Variants in PTK2 observed in about 807,000 individuals in gnomAD.
PTK2 encodes the protein focal adhesion kinase 1.
In PTK2, 45 loss-of-function variants were observed where a neutral mutation model predicts 150.1. The observed-to-expected ratio is 0.30, with a 90% CI of 0.24 to 0.38. PTK2 has a LOEUF of 0.38. Ranked by LOEUF, PTK2 falls within the 10% of genes least tolerant of loss-of-function variation. The pLI is 1.00. For missense variants in PTK2, 919 were observed against 1,307.3 expected (o/e 0.70, Z 4.58); for synonymous variants, 432 against 449.2 (o/e 0.96, Z 0.48).
intron 12 of PTK2, among the ~76,000 whole-genome samples, chr8:140,797,171 G>T (rs920395994): frequency 1.3e-5 from 2 of 152,066 alleles, no homozygotes; most frequent in African/African-American, 2.4e-5. Context: ...CTTGCCAGTG[G>T]TGGTTATCAG....
intron 7 of PTK2, chr8:140,832,922 C>A (rs1363121968): frequency 3.9e-6 from 2 of 518,812 alleles, no homozygotes; most frequent in Non-Finnish European, 7.7e-6. Flanking sequence ...AGGGAAAGAC[C>A]AGGGCAGGGA....
chr8:140,927,104 A>C (rs776265325), intron 1 of PTK2, among the ~76,000 whole-genome samples: 21 of 152,246 alleles, frequency 1.4e-4, no homozygotes, highest in Non-Finnish European at 3.1e-4. Context: ...ACAGAAGAAG[A>C]AGTTCAAAGT....
chr8:140,865,548 A>C (rs2100138803), intron 4 of PTK2, among the ~76,000 whole-genome samples: 1 of 152,110 alleles, frequency 6.6e-6, no homozygotes, highest in African/African-American at 2.4e-5. Flanking sequence ...ATTTCAATGC[A>C]ATCTTTTGAG....
At chr8:140,732,091 T>C (rs2100049766) in intron 22 of PTK2, among the ~76,000 whole-genome samples, 2 of 152,206 alleles carry the variant, frequency 1.3e-5, no homozygotes. Context: ...TCCAAACTTA[T>C]TATTTCTTTG....
intron 26 of PTK2, among the ~76,000 whole-genome samples, chr8:140,697,416 TTGTGTGTGTG>T (rs34459077): frequency 5.9e-4 from 86 of 145,812 alleles, no homozygotes; most frequent in African/African-American, 1.8e-3. Context: ...AGAATACGGT[TTGTGTGTGTG>T]TGTGTGTGTG....
intron 10 of PTK2, among the ~76,000 whole-genome samples, chr8:140,811,888 G>GTTC (rs1483339887): frequency 1.3e-5 from 2 of 152,138 alleles, no homozygotes; most frequent in African/African-American, 4.8e-5. Context: ...AAGGAATGAA[G>GTTC]AAAGCCTCTG....
At chr8:140,684,963 T>A (rs1422900243) in intron 27 of PTK2, among the ~76,000 whole-genome samples, 2 of 152,114 alleles carry the variant, frequency 1.3e-5, no homozygotes, top group Non-Finnish European at 2.9e-5. Context: ...AGAACAAAGC[T>A]GAGGACTTTA....
At chr8:140,917,554 T>C (rs546642525) in intron 2 of PTK2, among the ~76,000 whole-genome samples, 1 of 152,250 alleles carries the variant, frequency 6.6e-6, no homozygotes, top group Admixed American at 6.5e-5. Flanking sequence ...GGCCAAAAGT[T>C]TGACATGGAA....
At chr8:140,844,239 C>G (rs948134505) in intron 7 of PTK2, among the ~76,000 whole-genome samples, 13 of 152,292 alleles carry the variant, frequency 8.5e-5, no homozygotes, top group African/African-American at 2.9e-4. Flanking sequence ...TGGCTAAGGT[C>G]ATGCCTGTCA....
chr8:140,872,390 C>G (rs903095348), intron 4 of PTK2, among the ~76,000 whole-genome samples: 2 of 152,096 alleles, frequency 1.3e-5, no homozygotes, highest in African/African-American at 4.8e-5. Flanking sequence ...ACTTTATAGC[C>G]TACATTATAC....
intron 22 of PTK2, among the ~76,000 whole-genome samples, chr8:140,722,184 G>A (rs2100043273): frequency 6.6e-6 from 1 of 152,158 alleles, no homozygotes; most frequent in Non-Finnish European, 1.5e-5. Context: ...TATTGCTCAG[G>A]CTGGTCTCAA....
At chr8:140,935,497 T>C (rs539318607) in intron 1 of PTK2, among the ~76,000 whole-genome samples, 34 of 152,178 alleles carry the variant, frequency 2.2e-4, no homozygotes, top group South Asian at 6.2e-4. Flanking sequence ...CAGAAGAAAG[T>C]TATTAGTACC....
chr8:140,957,292 G>A (rs1326290666), intron 1 of PTK2, among the ~76,000 whole-genome samples: 2 of 152,072 alleles, frequency 1.3e-5, no homozygotes, highest in Admixed American at 6.6e-5. Flanking sequence ...GCTGGGCATG[G>A]TGGCACACGC....
chr8:140,873,663 A>C (rs2100143899), intron 4 of PTK2, among the ~76,000 whole-genome samples: 1 of 152,000 alleles, frequency 6.6e-6, no homozygotes, highest in Non-Finnish European at 1.5e-5. Flanking sequence ...CGGGGGTTTC[A>C]CCACGTTAGT....
chr8:140,843,861 C>T (rs2100123743), intron 7 of PTK2, among the ~76,000 whole-genome samples: 1 of 151,688 alleles, frequency 6.6e-6, no homozygotes, highest in African/African-American at 2.4e-5. Context: ...TTATGATTAA[C>T]AAACTCTATA....
intron 5 of PTK2, among the ~76,000 whole-genome samples, chr8:140,847,019 C>A (rs905844150): frequency 3.9e-5 from 6 of 152,112 alleles, no homozygotes; most frequent in Admixed American, 2.6e-4. Flanking sequence ...AAGAAAAGCT[C>A]ATATATGACC....
At chr8:140,829,229 C>A (rs1038871638) in intron 8 of PTK2, among the ~76,000 whole-genome samples, 1 of 152,126 alleles carries the variant, frequency 6.6e-6, no homozygotes, top group Non-Finnish European at 1.5e-5. Context: ...AAGCCAACAC[C>A]TTTATATCTA....
chr8:140,985,117 CTTT>C (rs939601853), intron 1 of PTK2, among the ~76,000 whole-genome samples: 2 of 152,044 alleles, frequency 1.3e-5, no homozygotes, highest in Non-Finnish European at 2.9e-5. Flanking sequence ...TTTTCATCTT[CTTT>C]TTTTATTTTT....
At chr8:140,854,199 G>A (rs1343926003) in intron 5 of PTK2, among the ~76,000 whole-genome samples, 2 of 152,194 alleles carry the variant, frequency 1.3e-5, no homozygotes, top group Admixed American at 6.5e-5. Flanking sequence ...AAAAGTTAAT[G>A]GGTGGACATA....
Sources: gnomAD v4.1 joint callset for allele counts (sites outside exome capture counted in the v4.1 genomes callset) on GRCh38, gnomAD v4.1.1 for gene constraint, MANE v1.5 for transcripts, NCBI Gene and HGNC (gene_info 2026-07-23, HGNC 2026-07-21) for gene names.